SLC4A3: variants seen among roughly 807,000 people sequenced by gnomAD.
SLC4A3 encodes the protein solute carrier family 4 member 3.
A neutral mutation model predicts 114.2 loss-of-function variants in SLC4A3; 47 were observed. That is an observed-to-expected ratio of 0.41 (90% CI 0.33 to 0.52). SLC4A3 has a LOEUF of 0.52. Among genes scored for constraint, SLC4A3 ranks in the 20% least tolerant of loss-of-function variants. The probability of loss-of-function intolerance (pLI) is 0.21; values close to 1 mark genes in which losing one functional copy is unlikely to be tolerated. For synonymous variants in SLC4A3, 693 were observed against 710.3 expected (o/e 0.98, Z 0.39); for missense variants, 1,312 against 1,668.3 (o/e 0.79, Z 3.72).
Position 219,641,612 on chromosome 2 carries a change from T to C in SLC4A3, c.3622-39T>C, listed in dbSNP as rs1048615828. On this transcript the variant is annotated intron_variant, in intron 22 of 22. Coordinates refer to ENST00000358055, the MANE Select transcript of SLC4A3 (RefSeq NM_005070.4). This position sits in a 1 kb window ranked among gnomAD's most constrained non-coding sequence, Gnocchi z 4.0. ...GCTGGAGAATGGGAGGGGACGAGCATGCTTCCCTGCCTTCCCCAACCTTCT... is the reference window on the plus strand; with the variant it reads ...GCTGGAGAATGGGAGGGGACGAGCACGCTTCCCTGCCTTCCCCAACCTTCT... The C allele has an allele frequency of 1.3e-6, 2 of 1,543,284 alleles. No homozygotes were observed. Among genetic ancestry groups the C allele is most frequent in the Admixed American group, 1.7e-5 (1 of 59,850 alleles).
At chr2:219,635,522 C>G (rs1196240597) in intron 13 of SLC4A3, 26 bp downstream of exon 13, 1 of 1,554,772 alleles carries the variant, frequency 6.4e-7, no homozygotes, top group Middle Eastern at 1.7e-4. Flanking sequence ...GCTGAGTGCC[C>G]CCAATACACA....
Position 219,628,150 on chromosome 2 carries a change from GGATGAGCTGGGCT to G in SLC4A3, c.51+109_51+121del, listed in dbSNP as rs1698784359. ...CGACCCCGGGACCCCCCAGATCCAG[GGATGAGCTGGGCT>G]GGGGGTTACGGAGAAAGAGGGGGGT... On this transcript the variant is annotated intron_variant, in intron 2 of 22. Coordinates refer to ENST00000358055, the MANE Select transcript of SLC4A3 (RefSeq NM_005070.4). This position sits in a 1 kb window ranked among gnomAD's most constrained non-coding sequence, Gnocchi z 4.8. 1 of 935,068 alleles carries G rather than the reference GGATGAGCTGGGCT, an allele frequency of 1.1e-6. No individual in the cohort carries two copies. Among genetic ancestry groups the G allele is most frequent in the Non-Finnish European group, 1.6e-6 (1 of 642,482 alleles). 57.9% of individuals were successfully genotyped at this position (935,068 alleles called of 1,614,324 possible).
In SLC4A3 at chr2:219,638,322, TC is replaced by T; in HGVS notation, c.2856+71del. On this transcript the variant is annotated intron_variant, in intron 18 of 22. Transcript: ENST00000358055. This position sits in a 1 kb window ranked among gnomAD's most constrained non-coding sequence, Gnocchi z 7.5. The stretch of plus-strand genomic sequence containing the variant: ...CAGGAGAGGGAGCCCACAACACACT[TC>T]CATGGGCCCTGGGATTGGGATCAGG... 8.2e-7 allele frequency: 1 copy of T among 1,214,798 alleles called. No individual in the cohort carries two copies. Among genetic ancestry groups the T allele is most frequent in the Middle Eastern group, 1.9e-4 (1 of 5,340 alleles). 75.3% of individuals were successfully genotyped at this position (1,214,798 alleles called of 1,614,324 possible).
chr2:219,639,526 G>C lies in SLC4A3; in HGVS notation c.3068G>C (p.Gly1023Ala). The C allele has an allele frequency of 1.9e-6, 3 of 1,614,012 alleles. No individual in the cohort carries two copies. The highest frequency in any genetic ancestry group is 2.5e-6 in the Non-Finnish European group (3 of 1,180,036). ...QKARRLLKGS[G>A]FHLDLLLIGS... ...GCGCGGAGGCTGCTCAAGGGCTCCG[G>C]TTTCCACCTGGACCTGCTCCTCATT... is the stretch of plus-strand genomic sequence containing the variant. The change falls in exon 20 of 23, where the codon GGT becomes GCT. Residue 1023 changes from glycine to alanine, a missense_variant. Around this residue, in one of 4 missense-constraint regions of SLC4A3, gnomAD observed 301 missense variants for 460.7 expected, o/e 0.65. Transcript: ENST00000358055. The surrounding 1 kb of genome is among the most constrained non-coding windows in gnomAD (Gnocchi z 5.9).
At position 219,639,554 on chromosome 2, in the gene SLC4A3, C is replaced by T; in HGVS notation, c.3096C>T (p.Gly1032=). 1 of 1,614,136 alleles carries T rather than the reference C, an allele frequency of 6.2e-7. No individual in the cohort carries two copies. Among genetic ancestry groups the T allele is most frequent in the Non-Finnish European group, 8.5e-7 (1 of 1,180,026 alleles). ...TCCACCTGGACCTGCTCCTCATTGG[C>T]TCCCTGGGGGGGCTCTGTGGGCTGT... The part of the protein sequence containing the change: ...SGFHLDLLLI[G]SLGGLCGLFG... The change falls in exon 20 of 23, where the codon GGC becomes GGT. Residue 1032 remains glycine, a synonymous_variant. Coordinates refer to ENST00000358055, the MANE Select transcript of SLC4A3 (RefSeq NM_005070.4). This position sits in a 1 kb window ranked among gnomAD's most constrained non-coding sequence, Gnocchi z 5.9.
At position 219,630,063 on chromosome 2, in the gene SLC4A3, C is replaced by G; in HGVS notation, c.612-90C>G. 4.5e-6 allele frequency: 7 copies of G among 1,550,404 alleles called. No individual in the cohort carries two copies. Among genetic ancestry groups the G allele is most frequent in the African/African-American group, 1.4e-5 (1 of 73,474 alleles). ...GGGGCCTGGGTCTCATGCTCAGGGT[C>G]TACTCCAGGCCGTGCTCTGAGCTGA... On this transcript the variant is annotated intron_variant, in intron 5 of 22. Coordinates refer to ENST00000358055, the MANE Select transcript of SLC4A3 (RefSeq NM_005070.4). This position sits in a 1 kb window ranked among gnomAD's most constrained non-coding sequence, Gnocchi z 6.9.
At position 219,636,559 on chromosome 2, in the gene SLC4A3, C is replaced by G; in HGVS notation, c.2340+109C>G. 6.8e-7 allele frequency: 1 copy of G among 1,477,800 alleles called. No homozygotes were observed. The highest frequency in any genetic ancestry group is 2.3e-5 in the East Asian group (1 of 42,682). 91.5% of individuals were successfully genotyped at this position (1,477,800 alleles called of 1,614,324 possible). Reference sequence around the variant, plus strand: ...ACATCCTGCCCCACACTCTTCCTTACCTAGGGGATGGGTCCCTGCATTCTC... The same window carrying G: ...ACATCCTGCCCCACACTCTTCCTTAGCTAGGGGATGGGTCCCTGCATTCTC... On this transcript the variant is annotated intron_variant, in intron 15 of 22. Coordinates refer to ENST00000358055, the MANE Select transcript of SLC4A3 (RefSeq NM_005070.4). This position sits in a 1 kb window ranked among gnomAD's most constrained non-coding sequence, Gnocchi z 5.5.
rs1699102852 is a variant in SLC4A3 at position 219,635,910 on chromosome 2, G to A, written c.2191+19G>A. ...CTGCTGGGTAAGGGACTGGGGCTTG[G>A]GGAGTTGAGGGGCTCCTCTAGTCAC... is the stretch of plus-strand genomic sequence containing the variant. On this transcript the variant is annotated intron_variant, in intron 14 of 22. Transcript: ENST00000358055. The A allele has an allele frequency of 6.8e-7, 1 of 1,467,534 alleles. No individual in the cohort carries two copies. The highest frequency in any genetic ancestry group is 1.4e-5 in the African/African-American group (1 of 71,176). 90.9% of individuals were successfully genotyped at this position (1,467,534 alleles called of 1,614,324 possible). A position where few individuals can be genotyped will look rare whatever the true frequency, so the allele number is the denominator to read the frequency against.
At chr2:219,633,243 C>T (rs751317465) in intron 9 of SLC4A3, 31 bp from the exon 10 acceptor site, 1 of 1,535,032 alleles carries the variant, frequency 6.5e-7, no homozygotes, top group Non-Finnish European at 8.8e-7. Context: ...TGAGCCTCTC[C>T]TCCTCACCTG....
In SLC4A3 at chr2:219,633,319, A is replaced by G. The variant is rs759093832; in HGVS notation, c.1323A>G (p.Pro441=). The change falls in exon 10 of 23, where the codon CCA becomes CCG. Residue 441 remains proline (P), a synonymous_variant. Transcript: ENST00000358055. ...DKDSGFFPRN[P]SSSSMNSVLG... is the part of the protein sequence containing the mutation. ...ACAGTGGCTTCTTTCCCCGAAACCCATCGAGCTCCAGCATGAACTCGGTTC... is the reference window on the plus strand; with the variant it reads ...ACAGTGGCTTCTTTCCCCGAAACCCGTCGAGCTCCAGCATGAACTCGGTTC... The G allele has an allele frequency of 1.4e-5, 23 of 1,599,674 alleles. No individual in the cohort carries two copies. The Admixed American group carries it at 2.6e-4, about 18-fold the overall frequency.
At position 219,635,812 on chromosome 2, in the gene SLC4A3, G is replaced by A. The variant is rs776288194; in HGVS notation, c.2112G>A (p.Leu704=). The A allele has an allele frequency of 6.3e-7, 1 of 1,592,598 alleles. No homozygotes were observed. Among genetic ancestry groups the A allele is most frequent in the Non-Finnish European group, 8.5e-7 (1 of 1,170,882 alleles). ...ACCCCAGTGACCTGCGAGATGCGCT[G>A]CACTCCCAGTGTGTGGCCGCTGTGC... ...PHYPSDLRDA[L]HSQCVAAVLF... Residue 704 remains leucine (L), a synonymous_variant, in exon 14 of 23, where the codon CTG becomes CTA. Transcript: ENST00000358055.
In SLC4A3 at chr2:219,637,829, G is replaced by A. The variant is rs756206306; in HGVS notation, c.2766+18G>A. The A allele has an allele frequency of 1.1e-5, 17 of 1,572,758 alleles. No individual in the cohort carries two copies. Among genetic ancestry groups the A allele is most frequent in the African/African-American group, 2.7e-5 (2 of 74,062 alleles). Reference sequence around the variant, plus strand: ...GGGGCAAGGTGCGTGGCTGCTGGGTGTGGAGCCCCCAAGAGTCCCACAATT... The same window carrying A: ...GGGGCAAGGTGCGTGGCTGCTGGGTATGGAGCCCCCAAGAGTCCCACAATT... On this transcript the variant is annotated intron_variant, in intron 17 of 22. Transcript: ENST00000358055. This position sits in a 1 kb window ranked among gnomAD's most constrained non-coding sequence, Gnocchi z 4.6.
At position 219,631,423 on chromosome 2, in the gene SLC4A3, G is replaced by A; in HGVS notation, c.812-545G>A. 7.7e-7 allele frequency: 1 copy of A among 1,304,234 alleles called. No homozygotes were observed. Among genetic ancestry groups the A allele is most frequent in the Non-Finnish European group, 1.0e-6 (1 of 988,886 alleles). 80.8% of individuals were successfully genotyped at this position (1,304,234 alleles called of 1,614,324 possible). ...GGTGACCTGTGGGAGTCCATCAGGG[G>A]CCAGCTGGGCCCCATGGCAGGGCCA... On this transcript the variant is annotated intron_variant, in intron 6 of 22. Transcript: ENST00000358055. The surrounding 1 kb of genome is among the most constrained non-coding windows in gnomAD (Gnocchi z 6.3).
rs1293467958 is a variant in SLC4A3, at chr2:219,637,842, G to T, written c.2766+31G>T. On this transcript the variant is annotated intron_variant, in intron 17 of 22. Transcript: ENST00000358055. The surrounding 1 kb of genome is among the most constrained non-coding windows in gnomAD (Gnocchi z 4.6). ...TGGCTGCTGGGTGTGGAGCCCCCAA[G>T]AGTCCCACAATTCCTGCTGTAGGAG... 6.5e-7 allele frequency: 1 copy of T among 1,535,212 alleles called. No homozygotes were observed. Among genetic ancestry groups the T allele is most frequent in the South Asian group, 1.1e-5 (1 of 89,512 alleles).
Position 219,641,809 on chromosome 2 carries a change from TGGG to T in SLC4A3, c.*85_*87del. The T allele has an allele frequency of 3.3e-6, 4 of 1,201,906 alleles. No individual in the cohort carries two copies. The highest frequency in any genetic ancestry group is 4.9e-6 in the Non-Finnish European group (4 of 813,712). The allele number at this position is 1,201,906 out of a possible 1,614,324, so 74.5% of individuals were successfully genotyped here. Reference sequence around the variant, plus strand: ...CCTCAGGCAGAGCCCAGCCCTGGGCTGGGGGGCTCCTCAGGACCCAGAGATGTG... The same window carrying T: ...CCTCAGGCAGAGCCCAGCCCTGGGCTGGGCTCCTCAGGACCCAGAGATGTG... On this transcript the variant is annotated 3_prime_UTR_variant, in exon 23 of 23. Transcript: ENST00000358055. The surrounding 1 kb of genome is among the most constrained non-coding windows in gnomAD (Gnocchi z 4.0).
Position 219,636,912 on chromosome 2 carries a change from G to C in SLC4A3, c.2535+38G>C. On this transcript the variant is annotated intron_variant, in intron 16 of 22. Coordinates refer to ENST00000358055, the MANE Select transcript of SLC4A3 (RefSeq NM_005070.4). The surrounding 1 kb of genome is among the most constrained non-coding windows in gnomAD (Gnocchi z 5.5). ...CGAGGTCTTGGGGGTGGCAGAGATG[G>C]AGGTGGACATTGCCCTGGGGAGGAC... 6.5e-7 allele frequency: 1 copy of C among 1,549,828 alleles called. No homozygotes were observed. The highest frequency in any genetic ancestry group is 8.9e-7 in the Non-Finnish European group (1 of 1,126,610).
chr2:219,631,861 G>A lies in SLC4A3; in HGVS notation c.812-107G>A. Reference sequence around the variant, plus strand: ...TGGTTCCCGTCGGCATGGCCTGTTGGTGACTGTAGAGCTCACCAAGTAGAT... The same window carrying A: ...TGGTTCCCGTCGGCATGGCCTGTTGATGACTGTAGAGCTCACCAAGTAGAT... On this transcript the variant is annotated intron_variant, in intron 6 of 22. Transcript: ENST00000358055. The surrounding 1 kb of genome is among the most constrained non-coding windows in gnomAD (Gnocchi z 6.3). 3.2e-6 allele frequency: 4 copies of A among 1,257,576 alleles called. No individual in the cohort carries two copies. The highest frequency in any genetic ancestry group is 4.4e-6 in the Non-Finnish European group (4 of 901,826). 77.9% of individuals were successfully genotyped at this position (1,257,576 alleles called of 1,614,324 possible). A position where few individuals can be genotyped will look rare whatever the true frequency, so the allele number is the denominator to read the frequency against.
Position 219,630,169 on chromosome 2 carries a change from G to C in SLC4A3, c.628G>C (p.Ala210Pro). ...CCTCCCCAGCTCCCCCAGCCCCCGG[G>C]CCCGGGCCTCCCGACTCGCTGGGGA... The part of the protein sequence containing the change: ...QHSSSSPSPR[A>P]RASRLAGEKS... Residue 210 changes from alanine (A) to proline (P), a missense_variant, in exon 6 of 23, where the codon GCC becomes CCC. Physicochemically the swap from Ala to Pro is conservative, Grantham distance 27 (BLOSUM62 -1). Coordinates refer to ENST00000358055, the MANE Select transcript of SLC4A3 (RefSeq NM_005070.4). This position sits in a 1 kb window ranked among gnomAD's most constrained non-coding sequence, Gnocchi z 6.9. 1 of 1,612,642 alleles carries C rather than the reference G, an allele frequency of 6.2e-7. No individual in the cohort carries two copies. Among genetic ancestry groups the C allele is most frequent in the Non-Finnish European group, 8.5e-7 (1 of 1,179,538 alleles).
At chr2:219,629,552 G>C in intron 4 of SLC4A3, 28 bp from the exon 5 acceptor site, 1 of 1,591,286 alleles carries the variant, frequency 6.3e-7, no homozygotes. Flanking sequence ...GTCGGGGCAA[G>C]GCCCCAGGGC....
Sources: allele counts gnomAD v4.1 joint callset, GRCh38; gene constraint gnomAD v4.1.1; regional missense constraint gnomAD v4.1.1; non-coding constraint Gnocchi (gnomAD v3.1); transcripts MANE v1.5; gene names NCBI Gene and HGNC (gene_info 2026-07-23, HGNC 2026-07-21).